FSTL5: variants seen among roughly 807,000 people sequenced by gnomAD.
FSTL5 encodes the protein follistatin-related protein 5.
FSTL5 carries 62 observed loss-of-function variants against 89.1 expected under a neutral mutation model. The observed-to-expected ratio is 0.70, with a 90% CI of 0.57 to 0.86. The LOEUF is 0.86. FSTL5 is among the 40% of genes least tolerant of loss of function. The pLI is 0.00. For synonymous variants in FSTL5, 383 were observed against 346.2 expected (o/e 1.11, Z -1.18); for missense variants, 1,057 against 1,001.6 (o/e 1.06, Z -0.75).
chr4:161,462,139 G>A (rs577636361), intron 13 of FSTL5, among the ~76,000 whole-genome samples: 102 of 152,228 alleles, frequency 6.7e-4, no homozygotes, highest in Non-Finnish European at 1.1e-3. Flanking sequence ...ACATTTAATG[G>A]GATAAGGAAA....
intron 6 of FSTL5, among the ~76,000 whole-genome samples, chr4:161,750,959 C>A (rs1740371286): frequency 1.3e-5 from 2 of 151,696 alleles, no homozygotes; most frequent in South Asian, 2.1e-4. Flanking sequence ...ATTTGTATGA[C>A]AAAAAAAGCA....
At chr4:161,731,817 G>A (rs1048261420) in intron 6 of FSTL5, among the ~76,000 whole-genome samples, 5 of 151,550 alleles carry the variant, frequency 3.3e-5, no homozygotes, top group African/African-American at 1.2e-4. Context: ...ATTTTGTTGT[G>A]TGCATCGGTA....
intron 12 of FSTL5, among the ~76,000 whole-genome samples, chr4:161,492,130 T>G (rs940973298): frequency 2.0e-5 from 3 of 152,196 alleles, no homozygotes; most frequent in Admixed American, 6.6e-5. Context: ...TTCAGTAGTA[T>G]TATTTCCTTT....
rs113270180 is a variant in FSTL5, at chr4:161,418,850, C to T, written c.1842-32401G>A. Among the ~76,000 whole-genome samples, 88 of 152,290 alleles carry T rather than the reference C, an allele frequency of 5.8e-4. 1 individual carries two copies. The highest frequency in any genetic ancestry group is 3.4e-3 in the Middle Eastern group (1 of 294). On this transcript the variant is annotated intron_variant, in intron 15 of 15. Coordinates refer to ENST00000306100, the MANE Select transcript of FSTL5 (RefSeq NM_020116.5). ...TTGGGAACAAAATAGGCAACATAGT[C>T]TGTAATATCAAATACAAGCTGCCTT...
intron 8 of FSTL5, among the ~76,000 whole-genome samples, chr4:161,545,347 G>T (rs1731967094): frequency 6.6e-6 from 1 of 152,020 alleles, no homozygotes; most frequent in African/African-American, 2.4e-5. Flanking sequence ...ATACACATAT[G>T]CATGTGTGTG....
chr4:161,620,943 T>G (rs2126645845), intron 7 of FSTL5, among the ~76,000 whole-genome samples: 1 of 152,044 alleles, frequency 6.6e-6, no homozygotes, highest in Admixed American at 6.6e-5. Context: ...TCATAATCAA[T>G]AATTGGTATC....
intron 3 of FSTL5, among the ~76,000 whole-genome samples, chr4:162,011,091 G>GT (rs1362081956): frequency 3.3e-5 from 5 of 152,216 alleles, no homozygotes; most frequent in African/African-American, 9.6e-5. Flanking sequence ...CACATCTGAT[G>GT]TTTTTTTATT....
At chr4:161,736,593 T>A (rs1452936327) in intron 6 of FSTL5, among the ~76,000 whole-genome samples, 1 of 152,106 alleles carries the variant, frequency 6.6e-6, no homozygotes, top group African/African-American at 2.4e-5. Flanking sequence ...TAGAAAGAAT[T>A]ATGATCATGC....
At chr4:162,033,486 T>C (rs1459408477) in intron 3 of FSTL5, 139 bp downstream of exon 3, 3 of 554,312 alleles carry the variant, frequency 5.4e-6, no homozygotes, top group Middle Eastern at 1.0e-3. Context: ...GGGCTCAAAA[T>C]GGCTGTAAAA....
intron 2 of FSTL5, among the ~76,000 whole-genome samples, chr4:162,083,240 TAC>T (rs1227362892): frequency 6.6e-6 from 1 of 151,806 alleles, no homozygotes; most frequent in Non-Finnish European, 1.5e-5. Context: ...AACATACAAG[TAC>T]TAACATTTTG....
chr4:161,939,028 C>T (rs1187031745), intron 3 of FSTL5, among the ~76,000 whole-genome samples: 1 of 151,880 alleles, frequency 6.6e-6, no homozygotes, highest in Non-Finnish European at 1.5e-5. Context: ...AAAATGTAGT[C>T]ACAGAGAAAG....
At chr4:161,765,483 C>A (rs181288042) in intron 5 of FSTL5, among the ~76,000 whole-genome samples, 140 of 152,168 alleles carry the variant, frequency 9.2e-4, no homozygotes, top group Non-Finnish European at 1.5e-3. Flanking sequence ...ATGAACTCAG[C>A]GTAAAGATTA....
At chr4:162,100,356 C>A (rs1424897773) in intron 2 of FSTL5, among the ~76,000 whole-genome samples, 3 of 151,994 alleles carry the variant, frequency 2.0e-5, no homozygotes, top group African/African-American at 7.3e-5. Context: ...GTCAGGAGAT[C>A]GAGACCATCC....
At chr4:161,908,639 T>C (rs371528004) in intron 4 of FSTL5, among the ~76,000 whole-genome samples, 10 of 152,226 alleles carry the variant, frequency 6.6e-5, no homozygotes, top group East Asian at 5.8e-4. Flanking sequence ...TATTCCATGA[T>C]TGGAAGCCTG....
chr4:161,770,609 T>C (rs1438934345), intron 5 of FSTL5, among the ~76,000 whole-genome samples: 1 of 151,994 alleles, frequency 6.6e-6, no homozygotes, highest in Non-Finnish European at 1.5e-5. Flanking sequence ...AAATATATTG[T>C]TTCTTTCATC....
intron 7 of FSTL5, among the ~76,000 whole-genome samples, chr4:161,621,256 G>GA: frequency 7.2e-6 from 1 of 139,554 alleles, no homozygotes; most frequent in Non-Finnish European, 1.5e-5. Flanking sequence ...GGGATATGGG[G>GA]ATGTAAAGAC....
intron 3 of FSTL5, among the ~76,000 whole-genome samples, chr4:161,984,438 T>G (rs1459724323): frequency 6.6e-6 from 1 of 152,184 alleles, no homozygotes; most frequent in East Asian, 1.9e-4. Context: ...TATACATGTA[T>G]TTATTTTATT....
At chr4:161,419,384 TA>T (rs1379641239) in intron 15 of FSTL5, among the ~76,000 whole-genome samples, 1 of 152,050 alleles carries the variant, frequency 6.6e-6, no homozygotes, top group South Asian at 2.1e-4. Flanking sequence ...ATAAGGACAT[TA>T]AAAAAATGTA....
intron 7 of FSTL5, among the ~76,000 whole-genome samples, chr4:161,655,213 G>A (rs1482791904): frequency 6.6e-6 from 1 of 152,004 alleles, no homozygotes; most frequent in Non-Finnish European, 1.5e-5. Flanking sequence ...TATTCTGACA[G>A]TCAGATCTTT....
Sources: allele counts gnomAD v4.1 joint callset (sites outside exome capture counted in the v4.1 genomes callset), GRCh38; gene constraint gnomAD v4.1.1; transcripts MANE v1.5; gene names NCBI Gene and HGNC (gene_info 2026-07-23, HGNC 2026-07-21).